The following RNF216 variants were observed in gnomAD, a reference collection of about 807,000 sequenced individuals.
The protein encoded by RNF216 is E3 ubiquitin-protein ligase RNF216.
A neutral mutation model predicts 110.8 loss-of-function variants in RNF216; 72 were observed. The observed-to-expected ratio is 0.65, with a 90% CI of 0.54 to 0.79. The LOEUF is 0.79. Among genes scored for constraint, RNF216 ranks in the 30% least tolerant of loss-of-function variants. The pLI is 0.00. For synonymous variants in RNF216, 495 were observed against 407.5 expected (o/e 1.21, Z -2.59); for missense variants, 1,342 against 1,141.2 (o/e 1.18, Z -2.54).
intron 13 of RNF216, among the ~76,000 whole-genome samples, chr7:5,660,923 C>CCAT (rs1185297689): frequency 4.7e-5 from 7 of 147,508 alleles, no homozygotes; most frequent in Non-Finnish European, 1.0e-4. Context: ...AGTACTAGCT[C>CCAT]CATGCTCCTG....
intron 13 of RNF216, among the ~76,000 whole-genome samples, chr7:5,699,108 T>C (rs902734779): frequency 2.6e-5 from 4 of 152,176 alleles, no homozygotes; most frequent in African/African-American, 9.7e-5. Flanking sequence ...TAATGAACCC[T>C]ATGCACCCAT....
chr7:5,770,896 C>T (rs1479351965), intron 1 of RNF216, among the ~76,000 whole-genome samples: 1 of 151,128 alleles, frequency 6.6e-6, no homozygotes, highest in East Asian at 1.9e-4. Context: ...CAACCTCCGC[C>T]TCCTGGGTTC....
At chr7:5,765,200 G>C (rs1331541676) in intron 1 of RNF216, among the ~76,000 whole-genome samples, 2 of 151,630 alleles carry the variant, frequency 1.3e-5, no homozygotes, top group Non-Finnish European at 2.9e-5. Context: ...GGTGGCTCAC[G>C]CCTTTAATCC....
chr7:5,720,925 C>T, intron 9 of RNF216, 108 bp downstream of exon 9: 4 of 1,069,554 alleles, frequency 3.7e-6, no homozygotes, highest in Admixed American at 2.4e-5. Flanking sequence ...CCAAATTTAA[C>T]AGTCTGAAGA....
At chr7:5,714,298 G>A (rs961213730) in intron 11 of RNF216, among the ~76,000 whole-genome samples, 1 of 151,512 alleles carries the variant, frequency 6.6e-6, no homozygotes, top group African/African-American at 2.4e-5. Flanking sequence ...CACTCTTGTT[G>A]CCCAGGCTGG....
intron 13 of RNF216, among the ~76,000 whole-genome samples, chr7:5,671,049 G>A (rs1299260865): frequency 6.6e-6 from 1 of 152,232 alleles, no homozygotes; most frequent in Non-Finnish European, 1.5e-5. Flanking sequence ...AGCAACAAAC[G>A]ATACTTTTTT....
intron 14 of RNF216, among the ~76,000 whole-genome samples, chr7:5,643,587 T>C (rs1787873474): frequency 6.6e-6 from 1 of 152,162 alleles, no homozygotes; most frequent in Non-Finnish European, 1.5e-5. Flanking sequence ...AGCCATATTC[T>C]GATGGTGGCA....
Position 5,770,211 on chromosome 7 carries a change from C to G in RNF216, c.-69-9073G>C, listed in dbSNP as rs184838463. 2.2e-3 allele frequency among the ~76,000 whole-genome samples: 340 copies of G among 151,856 alleles called. 3 individuals carry two copies. The highest frequency in any genetic ancestry group is 0.015 in the South Asian group (74 of 4,808). On this transcript the variant is annotated intron_variant, in intron 1 of 16. Transcript: ENST00000389902. ...GCGCCGTGGCTCACATCTGTAACCC[C>G]AGCACTTTCGGAGGCCAAGGTGGGC...
At chr7:5,720,986 A>C in intron 9 of RNF216, 47 bp downstream of exon 9, 1 of 1,600,890 alleles carries the variant, frequency 6.2e-7, no homozygotes, top group Non-Finnish European at 8.5e-7. Flanking sequence ...CTAAGAGCAA[A>C]CCAGAATCCC....
rs1481612763 is a variant in RNF216, at chr7:5,672,849, G to A, written c.2062-20339C>T. On this transcript the variant is annotated intron_variant, in intron 13 of 16. Coordinates refer to ENST00000389902, the MANE Select transcript of RNF216 (RefSeq NM_207111.4). ...AGGAGCTGGGGCTTTCTAGGACACA[G>A]GGACACAGGCAGCACACTCCCAGGA... 2.0e-5 allele frequency among the ~76,000 whole-genome samples: 3 copies of A among 152,140 alleles called. No individual in the cohort carries two copies. The East Asian group carries it at 5.8e-4, about 29-fold the overall frequency.
chr7:5,715,190 C>T lies in RNF216; in HGVS notation c.1696G>A (p.Asp566Asn), dbSNP rs1215184402. The T allele has an allele frequency of 2.5e-6, 4 of 1,612,416 alleles. No individual in the cohort carries two copies. The African/African-American group carries it at 4.0e-5, about 16-fold the overall frequency. The change falls in exon 11 of 17, where the codon GAT (aspartate) becomes AAT (asparagine). Residue 566 changes from aspartate (D) to asparagine (N), a missense_variant and splice_region_variant. Asp to Asn is a conservative substitution (Grantham distance 23, BLOSUM62 1). Transcript: ENST00000389902. The part of the protein sequence containing the change: ...LQMNEEQYQK[D>N]GQLIECRCCY... Reference sequence around the variant, plus strand: ...CAGCGACACTCAATCAGCTGGCCATCCTGCAGGCAGTCAAGAAACACACAT... The same window carrying T: ...CAGCGACACTCAATCAGCTGGCCATTCTGCAGGCAGTCAAGAAACACACAT...
chr7:5,756,120 G>A lies in RNF216; in HGVS notation c.68-3141C>T, dbSNP rs148165884. On this transcript the variant is annotated intron_variant, in intron 2 of 16. Transcript: ENST00000389902. ...CCATTCTGCTCTCGTGATAGTGAGTGAGTCTTGAGGTGTCCGATGGTTTTA... is the reference window on the plus strand; with the variant it reads ...CCATTCTGCTCTCGTGATAGTGAGTAAGTCTTGAGGTGTCCGATGGTTTTA... Among the ~76,000 whole-genome samples, 487 of 139,962 alleles carry A rather than the reference G, an allele frequency of 3.5e-3. 1 individual carries two copies. The highest frequency in any genetic ancestry group is 0.011 in the African/African-American group (454 of 39,638). 91.8% of individuals were successfully genotyped at this position (139,962 alleles called of 152,430 possible).
intron 13 of RNF216, among the ~76,000 whole-genome samples, chr7:5,676,241 G>T (rs1179205663): frequency 1.3e-5 from 2 of 152,006 alleles, no homozygotes; most frequent in East Asian, 1.9e-4. Context: ...TGAACTCCTG[G>T]TCTCAAGTGA....
chr7:5,644,827 C>CTTTTTTTTT (rs59440013), intron 14 of RNF216, among the ~76,000 whole-genome samples: 1 of 135,940 alleles, frequency 7.4e-6, no homozygotes, highest in African/African-American at 2.8e-5. Context: ...TTCTTTTTTT[C>CTTTTTTTTT]TTTTTTTTTT....
In RNF216 at chr7:5,741,011, C is replaced by T. The variant is rs765152327; in HGVS notation, c.1006G>A (p.Val336Ile). The T allele has an allele frequency of 4.3e-6, 7 of 1,612,834 alleles. No individual in the cohort carries two copies. Among genetic ancestry groups the T allele is most frequent in the African/African-American group, 2.7e-5 (2 of 74,794 alleles). The change falls in exon 4 of 17, where the codon GTA becomes ATA. Residue 336 changes from valine to isoleucine, a missense_variant. Physicochemically the swap from Val to Ile is conservative, Grantham distance 29 (BLOSUM62 3). Transcript: ENST00000389902. ...AGTAGTTCAACGAGCTCTTGATCTA[C>T]CTCTGCAGCTTCTTGCCCCCAAATG... Reference protein sequence around the residue: ...ENIWGQEAAEVDQELVELLVK... With the variant: ...ENIWGQEAAEIDQELVELLVK...
intron 8 of RNF216, 56 bp downstream of exon 8, chr7:5,725,265 TGAA>T: frequency 4.9e-6 from 5 of 1,030,476 alleles, no homozygotes; most frequent in East Asian, 2.4e-5. Flanking sequence ...TCACTGACTG[TGAA>T]GAAGAAAAGG....
At chr7:5,665,121 A>T (rs1051265958) in intron 13 of RNF216, among the ~76,000 whole-genome samples, 8 of 152,192 alleles carry the variant, frequency 5.3e-5, no homozygotes, top group Non-Finnish European at 8.8e-5. Flanking sequence ...TTCTAACATG[A>T]ATTCTTCTAA....
chr7:5,723,326 G>A (rs897515573), intron 8 of RNF216, among the ~76,000 whole-genome samples: 2 of 152,088 alleles, frequency 1.3e-5, no homozygotes, highest in African/African-American at 2.4e-5. Context: ...AAAGTAATAA[G>A]ATTTATTTTC....
At chr7:5,693,461 A>T (rs930667932) in intron 13 of RNF216, among the ~76,000 whole-genome samples, 1 of 152,244 alleles carries the variant, frequency 6.6e-6, no homozygotes, top group African/African-American at 2.4e-5. Context: ...TGGGTATTGC[A>T]TTGGATTTCC....
Sources: allele counts gnomAD v4.1 joint callset (sites outside exome capture counted in the v4.1 genomes callset), GRCh38; gene constraint gnomAD v4.1.1; transcripts MANE v1.5; gene names NCBI Gene and HGNC (gene_info 2026-07-23, HGNC 2026-07-21).